TMEM131: variants seen among roughly 807,000 people sequenced by gnomAD.
TMEM131 encodes the protein 2610524E03Rik.
In TMEM131, 66 loss-of-function variants were observed where a neutral mutation model predicts 211.6. That is an observed-to-expected ratio of 0.31 (90% CI 0.26 to 0.38). The LOEUF (loss-of-function observed/expected upper bound fraction) is 0.38. Among genes scored for constraint, TMEM131 ranks in the 10% least tolerant of loss-of-function variants. The pLI is 1.00. For missense variants in TMEM131, 2,036 were observed against 2,299.3 expected (o/e 0.89, Z 2.34); for synonymous variants, 844 against 841.3 (o/e 1.00, Z -0.06).
intron 3 of TMEM131, among the ~76,000 whole-genome samples, chr2:97,902,203 G>A (rs1393511423): frequency 1.3e-5 from 2 of 152,130 alleles, no homozygotes; most frequent in Non-Finnish European, 2.9e-5. Flanking sequence ...GAAGGATGAA[G>A]AGAAAGATGA....
intron 11 of TMEM131, among the ~76,000 whole-genome samples, chr2:97,829,095 C>G (rs1327716259): frequency 6.6e-6 from 1 of 152,190 alleles, no homozygotes; most frequent in Non-Finnish European, 1.5e-5. Flanking sequence ...CTTCTTTGCC[C>G]TTATCCAGTA....
At chr2:97,887,666 T>C in intron 4 of TMEM131, 1 of 159,826 alleles carries the variant, frequency 6.3e-6, no homozygotes, top group South Asian at 1.9e-4. Context: ...TTTGGTGATA[T>C]ATAAGAGCTT....
chr2:97,833,027 C>T (rs1041413263), intron 11 of TMEM131, among the ~76,000 whole-genome samples: 1 of 152,170 alleles, frequency 6.6e-6, no homozygotes, highest in African/African-American at 2.4e-5. Flanking sequence ...CTCCAACAAC[C>T]AAATCTGATG....
At position 97,813,997 on chromosome 2, in the gene TMEM131, C is replaced by G; in HGVS notation, c.1591G>C (p.Val531Leu). The change falls in exon 15 of 41, where the codon GTG becomes CTG. Residue 531 changes from valine to leucine, a missense_variant. Val to Leu is a conservative substitution (Grantham distance 32, BLOSUM62 1). Transcript: ENST00000186436. ...TCTAAAAAGCCTGTGTATACCCGCA[C>G]GGGTAAATGAAATTTAGAAGCATTG... ...ITNASKFHLP[V>L]RVYTGFLDYF... is the part of the protein sequence containing the mutation. 2 of 1,597,794 alleles carry G rather than the reference C, an allele frequency of 1.3e-6. No homozygotes were observed. Among genetic ancestry groups the G allele is most frequent in the Non-Finnish European group, 1.7e-6 (2 of 1,171,158 alleles).
chr2:97,963,855 GT>G (rs1344423942), intron 1 of TMEM131, among the ~76,000 whole-genome samples: 1 of 152,098 alleles, frequency 6.6e-6, no homozygotes, highest in African/African-American at 2.4e-5. Flanking sequence ...ATTTTTAAAA[GT>G]TTTTCTTCTA....
At chr2:97,787,185 C>T (rs923102165) in intron 31 of TMEM131, among the ~76,000 whole-genome samples, 10 of 152,192 alleles carry the variant, frequency 6.6e-5, no homozygotes, top group African/African-American at 2.4e-4. Flanking sequence ...AAAGCATGTC[C>T]TAGACATTTA....
At chr2:97,916,918 A>C (rs1254822292) in intron 2 of TMEM131, among the ~76,000 whole-genome samples, 1 of 152,216 alleles carries the variant, frequency 6.6e-6, no homozygotes, top group Non-Finnish European at 1.5e-5. Context: ...AATAAATATG[A>C]CTTATATTTA....
chr2:97,973,620 T>A (rs905484), intron 1 of TMEM131, among the ~76,000 whole-genome samples: 23,094 of 152,224 alleles, frequency 0.15, 2,446 homozygotes, highest in Middle Eastern at 0.28. Flanking sequence ...TACTGATCAG[T>A]GCATTTGTGT....
intron 5 of TMEM131, among the ~76,000 whole-genome samples, chr2:97,847,102 T>G (rs1573453306): frequency 5.6e-4 from 55 of 97,624 alleles, no homozygotes; most frequent in Admixed American, 1.3e-3. Flanking sequence ...GGCAGGAGAG[T>G]CGCTTGAACC....
intron 1 of TMEM131, among the ~76,000 whole-genome samples, chr2:97,928,469 T>A (rs991569093): frequency 6.6e-6 from 1 of 151,840 alleles, no homozygotes; most frequent in Non-Finnish European, 1.5e-5. Flanking sequence ...TCTAAATGTA[T>A]GCAAATTTTA....
chr2:97,865,531 CTTGA>C (rs1262506407), intron 4 of TMEM131, among the ~76,000 whole-genome samples: 9 of 152,140 alleles, frequency 5.9e-5, no homozygotes, highest in Admixed American at 3.3e-4. Context: ...TGTTTATTGA[CTTGA>C]TTATTGGTTT....
intron 40 of TMEM131, among the ~76,000 whole-genome samples, chr2:97,758,281 T>C (rs1033396857): frequency 3.9e-5 from 6 of 152,244 alleles, no homozygotes; most frequent in African/African-American, 1.2e-4. Context: ...GTTTAGTTTC[T>C]CTGAGAACAA....
rs1679964995 is a variant in TMEM131, at chr2:97,780,891, C to T, written c.4145-4873G>A. On this transcript the variant is annotated intron_variant, in intron 31 of 40. Coordinates refer to ENST00000186436, the MANE Select transcript of TMEM131 (RefSeq NM_015348.2). ...CGGAAGTGTGTTTCCCTTGAAGTGA[C>T]CAAGTGAGAAATATGCCCAAGGTGA... Among the ~76,000 whole-genome samples the T allele has an allele frequency of 2.0e-5, 3 of 152,128 alleles. No individual in the cohort carries two copies. In the South Asian group the frequency reaches 6.2e-4, roughly 32 times the overall value.
chr2:97,807,370 A>G (rs766606709), intron 19 of TMEM131, among the ~76,000 whole-genome samples: 1 of 151,996 alleles, frequency 6.6e-6, no homozygotes, highest in African/African-American at 2.4e-5. Flanking sequence ...GTGCGTTCTG[A>G]CCTCGTAGTA....
At chr2:97,773,274 A>G (rs1170077105) in intron 32 of TMEM131, among the ~76,000 whole-genome samples, 1 of 152,108 alleles carries the variant, frequency 6.6e-6, no homozygotes, top group Non-Finnish European at 1.5e-5. Context: ...TCATCCACAC[A>G]CATTTACGGG....
chr2:97,766,286 C>T, intron 34 of TMEM131, 23 bp from the exon 35 acceptor site: 1 of 1,613,834 alleles, frequency 6.2e-7, no homozygotes, highest in Non-Finnish European at 8.5e-7. Flanking sequence ...CAGAAAAGAA[C>T]ATGGTTAATG....
chr2:97,952,043 G>A (rs1678343381), intron 1 of TMEM131, among the ~76,000 whole-genome samples: 1 of 152,028 alleles, frequency 6.6e-6, no homozygotes, highest in African/African-American at 2.4e-5. Context: ...TGTAATCCCA[G>A]CTACTTGGGA....
At position 97,934,274 on chromosome 2, in the gene TMEM131, G is replaced by C. The variant is rs182765496; in HGVS notation, c.188-6787C>G. 5.1e-4 allele frequency among the ~76,000 whole-genome samples: 77 copies of C among 152,170 alleles called. 1 individual carries two copies. Among genetic ancestry groups the C allele is most frequent in the African/African-American group, 1.8e-3 (73 of 41,514 alleles). ...AAATGCCATTTACAACGCCATTTAC[G>C]ACTCCAAATAAAATGAAGTACCTCA... On this transcript the variant is annotated intron_variant, in intron 1 of 40. Coordinates refer to ENST00000186436, the MANE Select transcript of TMEM131 (RefSeq NM_015348.2).
intron 3 of TMEM131, among the ~76,000 whole-genome samples, chr2:97,896,106 C>A (rs1165880287): frequency 6.6e-6 from 1 of 152,046 alleles, no homozygotes; most frequent in African/African-American, 2.4e-5. Context: ...TTTTTTCTGC[C>A]TTCATTTCAT....
Sources: allele counts gnomAD v4.1 joint callset (sites outside exome capture counted in the v4.1 genomes callset), GRCh38; gene constraint gnomAD v4.1.1; transcripts MANE v1.5; gene names NCBI Gene and HGNC (gene_info 2026-07-23, HGNC 2026-07-21).